The following USH2A variants were observed in gnomAD, a reference collection of about 807,000 sequenced individuals.
USH2A encodes the protein Usher syndrome 2A (autosomal recessive, mild).
A neutral mutation model predicts 538.9 loss-of-function variants in USH2A; 443 were observed. That is an observed-to-expected ratio of 0.82 (90% confidence interval 0.76 to 0.89). USH2A has a LOEUF of 0.89. Among genes scored for constraint, USH2A ranks in the 40% least tolerant of loss-of-function variants. The pLI is 0.00. For synonymous variants in USH2A, 2,413 were observed against 2,273.5 expected (o/e 1.06, Z -1.75); for missense variants, 6,633 against 6,324.8 (o/e 1.05, Z -1.65).
At chr1:216,403,963 T>C (rs1421971326) in intron 3 of USH2A, among the ~76,000 whole-genome samples, 1 of 152,092 alleles carries the variant, frequency 6.6e-6, no homozygotes, top group Non-Finnish European at 1.5e-5. Flanking sequence ...GTGAGGAAGG[T>C]CCTTGCTTTC....
Position 215,674,691 on chromosome 1 carries a change from AG to A in USH2A, c.13219del (p.Leu4407TrpfsTer16). On this transcript the variant is annotated frameshift_variant, in exon 63 of 72. Transcript: ENST00000307340. LOFTEE classifies it high-confidence loss of function. The part of the protein sequence containing the change: ...ESLAGQGLCL[L>X]VSHLQPYSQY... ...AGAGTAAGGCTGCAGGTGGGAAACC[AG>A]CAGGCACAGGCCCTGGCCAGCAAGG... is the stretch of plus-strand genomic sequence containing the variant. 1 of 1,614,114 alleles carries A rather than the reference AG, an allele frequency of 6.2e-7. No homozygotes were observed. The highest frequency in any genetic ancestry group is 8.5e-7 in the Non-Finnish European group (1 of 1,180,004).
chr1:215,694,345 G>A (rs1218156693), intron 61 of USH2A, among the ~76,000 whole-genome samples: 1 of 152,166 alleles, frequency 6.6e-6, no homozygotes, highest in Non-Finnish European at 1.5e-5. Flanking sequence ...AGGCCAAGGC[G>A]GGTAGATCAG....
rs548010150 is a variant in USH2A at position 215,729,075 on chromosome 1, C to T, written c.11712-691G>A. ...ACTCACTCTGAGCTTGGCTATATGA[C>T]TTTTTTGGCTCATGGGACAGTAGCA... On this transcript the variant is annotated intron_variant, in intron 60 of 71. Transcript: ENST00000307340. Among the ~76,000 whole-genome samples, 118 of 152,222 alleles carry T rather than the reference C, an allele frequency of 7.8e-4. 1 individual carries two copies. The highest frequency in any genetic ancestry group is 6.9e-3 in the Middle Eastern group (2 of 290).
At chr1:215,659,908 C>T (rs1174719817) in intron 64 of USH2A, among the ~76,000 whole-genome samples, 1 of 152,132 alleles carries the variant, frequency 6.6e-6, no homozygotes, top group Non-Finnish European at 1.5e-5. Flanking sequence ...AGGTAACTTG[C>T]TAAATCATTC....
intron 36 of USH2A, among the ~76,000 whole-genome samples, chr1:215,968,909 C>G (rs1002116817): frequency 2.0e-5 from 3 of 152,110 alleles, no homozygotes; most frequent in African/African-American, 7.2e-5. Flanking sequence ...TGATAGAAAA[C>G]TCTGCCTTTT....
rs780755913 is a variant in USH2A at position 215,728,092 on chromosome 1, A to T, written c.12004T>A (p.Tyr4002Asn). Residue 4002 changes from tyrosine (Y) to asparagine (N), a missense_variant, in exon 61 of 72, where the codon TAC (tyrosine) becomes AAC (asparagine). Physicochemically the swap from Tyr to Asn is moderately radical, Grantham distance 143. Coordinates refer to ENST00000307340, the MANE Select transcript of USH2A (RefSeq NM_206933.4). ...GTAGGATCGTCGGGTCTCTCCTGGTAGACCACACGGTAATGGGAGATAATG... is the reference window on the plus strand; with the variant it reads ...GTAGGATCGTCGGGTCTCTCCTGGTTGACCACACGGTAATGGGAGATAATG... ...NGIISHYRVV[Y>N]QERPDDPTFN... 1.2e-6 allele frequency: 2 copies of T among 1,614,208 alleles called. No homozygotes were observed. Among genetic ancestry groups the T allele is most frequent in the Admixed American group, 3.3e-5 (2 of 60,022 alleles).
chr1:216,295,196 T>C (rs2102615011), intron 9 of USH2A, among the ~76,000 whole-genome samples: 1 of 151,866 alleles, frequency 6.6e-6, no homozygotes, highest in South Asian at 2.1e-4. Context: ...ACAACCAATA[T>C]GGATTTTTGT....
rs56225920 is a variant in USH2A at position 216,046,768 on chromosome 1, C to T, written c.6164-176G>A. On this transcript the variant is annotated intron_variant, in intron 31 of 71. Transcript: ENST00000307340. ...GGAACAGTGTTAAATAACTGTCCCA[C>T]ATTTATGAGAATTTGTGTCAATGAT... Among the ~76,000 whole-genome samples the T allele has an allele frequency of 3.2e-3, 494 of 152,272 alleles. 1 individual carries two copies. Among genetic ancestry groups the T allele is most frequent in the Non-Finnish European group, 5.5e-3 (375 of 68,018 alleles).
intron 58 of USH2A, among the ~76,000 whole-genome samples, chr1:215,745,077 C>A (rs1013224295): frequency 5.9e-5 from 9 of 152,146 alleles, no homozygotes; most frequent in African/African-American, 2.2e-4. Context: ...ACTCCCAAAC[C>A]TGTTCTTTTT....
chr1:215,958,311 A>C (rs1007181556), intron 37 of USH2A, among the ~76,000 whole-genome samples: 1 of 152,146 alleles, frequency 6.6e-6, no homozygotes, highest in African/African-American at 2.4e-5. Flanking sequence ...GAATATACTG[A>C]CATTCTAAAG....
intron 21 of USH2A, among the ~76,000 whole-genome samples, chr1:216,102,840 T>C (rs1571962702): frequency 6.6e-6 from 1 of 152,128 alleles, no homozygotes; most frequent in African/African-American, 2.4e-5. Context: ...TTTTGATATA[T>C]GTATGTTTTC....
intron 47 of USH2A, among the ~76,000 whole-genome samples, chr1:215,827,622 C>T (rs185428127): frequency 1.3e-5 from 2 of 152,098 alleles, no homozygotes; most frequent in African/African-American, 2.4e-5. Context: ...GCCATGGTGA[C>T]CATAAGGCTA....
intron 44 of USH2A, among the ~76,000 whole-genome samples, chr1:215,863,228 G>GTAGA (rs1197858840): frequency 1.4e-4 from 21 of 152,166 alleles, no homozygotes; most frequent in Non-Finnish European, 3.1e-4. Context: ...AGAAAACCAT[G>GTAGA]TAGAGTACAA....
chr1:216,304,865 CG>C (rs56131945), intron 9 of USH2A, among the ~76,000 whole-genome samples: 9,752 of 151,526 alleles, frequency 0.064, 351 homozygotes, highest in Middle Eastern at 0.11. Context: ...TTTTATTTCA[CG>C]GTGGTCTGAG....
chr1:216,364,858 T>C, intron 4 of USH2A, 95 bp downstream of exon 4: 2 of 1,489,828 alleles, frequency 1.3e-6, no homozygotes, highest in Non-Finnish European at 1.8e-6. Flanking sequence ...AGAAGATGAA[T>C]ACACGTAGAT....
At chr1:216,156,423 C>A (rs936355961) in intron 21 of USH2A, among the ~76,000 whole-genome samples, 3 of 149,646 alleles carry the variant, frequency 2.0e-5, no homozygotes, top group Non-Finnish European at 3.0e-5. Context: ...TATTTTTGGA[C>A]TTTGCAGGCT....
chr1:216,418,545 A>T lies in USH2A; in HGVS notation c.620T>A (p.Leu207His), dbSNP rs371312262. ...PIKVMTLGRI[L>H]VKKWIHLSVQ... Reference sequence around the variant, plus strand: ...ACTAAGATGAATCCATTTCTTCACAAGAATTCTCCCCAGTGTCATTACTTT... The same window carrying T: ...ACTAAGATGAATCCATTTCTTCACATGAATTCTCCCCAGTGTCATTACTTT... The change falls in exon 3 of 72, where the codon CTT (leucine) becomes CAT (histidine). Residue 207 changes from leucine (L) to histidine (H), a missense_variant. Transcript: ENST00000307340. The T allele has an allele frequency of 4.3e-6, 7 of 1,613,144 alleles. No individual in the cohort carries two copies. In the African/African-American group the frequency reaches 5.3e-5, roughly 12 times the overall value.
At chr1:216,270,227 C>A (rs2036549618) in intron 11 of USH2A, among the ~76,000 whole-genome samples, 1 of 151,888 alleles carries the variant, frequency 6.6e-6, no homozygotes, top group African/African-American at 2.4e-5. Flanking sequence ...TCAAGAAACT[C>A]ACTAAAAGCC....
At chr1:215,984,990 A>C (rs41431546) in intron 35 of USH2A, among the ~76,000 whole-genome samples, 28,834 of 152,170 alleles carry the variant, frequency 0.19, 3,406 homozygotes, top group Non-Finnish European at 0.26. Context: ...AATCAACGGA[A>C]TCTAAAAAAG....
Sources: allele counts gnomAD v4.1 joint callset (sites outside exome capture counted in the v4.1 genomes callset), GRCh38; gene constraint gnomAD v4.1.1; transcripts MANE v1.5; gene names NCBI Gene and HGNC (gene_info 2026-07-23, HGNC 2026-07-21).